The following CEPT1 variants were observed in gnomAD, a reference collection of about 807,000 sequenced individuals.
CEPT1 encodes choline/ethanolaminephosphotransferase 1.
CEPT1 carries 7 observed loss-of-function variants against 42.6 expected under a neutral mutation model. The ratio of observed to expected loss-of-function variants is 0.16; its 90% CI spans 0.09 to 0.31. The LOEUF (loss-of-function observed/expected upper bound fraction) is 0.31, where lower values mean the gene tolerates loss of function less well. CEPT1 is among the 10% of genes least tolerant of loss of function. The pLI, the probability that CEPT1 is intolerant of heterozygous loss-of-function variation, is 1.00. For missense variants in CEPT1, 306 were observed against 502.1 expected, an observed-to-expected ratio of 0.61 and a Z score of 3.73; for synonymous variants, 171 against 171.9, an observed-to-expected ratio of 0.99 and a Z score of 0.04.
chr1:111,152,229 T>TA (rs1655315856), intron 2 of CEPT1, among the ~76,000 whole-genome samples: 1 of 152,218 alleles, frequency 6.6e-6, no homozygotes, highest in African/African-American at 2.4e-5. Flanking sequence ...AATAACTTGT[T>TA]AGATTTTTTT....
At chr1:111,143,991 A>G (rs1654810945) in intron 1 of CEPT1, among the ~76,000 whole-genome samples, 1 of 152,150 alleles carries the variant, frequency 6.6e-6, no homozygotes, top group Non-Finnish European at 1.5e-5. Flanking sequence ...CAGCCTTCCA[A>G]AGTGCTGAGA....
chr1:111,165,249 C>T (rs1656088449), intron 4 of CEPT1, among the ~76,000 whole-genome samples: 2 of 151,194 alleles, frequency 1.3e-5, no homozygotes, highest in Admixed American at 6.6e-5. Flanking sequence ...AGGGTTTCAC[C>T]GTGTTAGCCA....
intron 2 of CEPT1, among the ~76,000 whole-genome samples, chr1:111,155,765 C>T (rs904560241): frequency 2.0e-5 from 3 of 152,024 alleles, no homozygotes; most frequent in South Asian, 4.1e-4. Flanking sequence ...CTCAAACTCC[C>T]GACCTCAGGT....
chr1:111,142,792 C>A (rs1654731410), intron 1 of CEPT1, among the ~76,000 whole-genome samples: 1 of 151,936 alleles, frequency 6.6e-6, no homozygotes, highest in Non-Finnish European at 1.5e-5. Context: ...GGGGGAAAGA[C>A]CAAAAAAACA....
In CEPT1 at chr1:111,184,385, A is replaced by T. The variant is rs544543757; in HGVS notation, c.*75A>T. 2.7e-6 allele frequency: 3 copies of T among 1,109,214 alleles called. No individual in the cohort carries two copies. Among genetic ancestry groups the T allele is most frequent in the South Asian group, 3.0e-5 (2 of 66,702 alleles). 68.7% of individuals were successfully genotyped at this position (1,109,214 alleles called of 1,614,324 possible). A position where few individuals can be genotyped will look rare whatever the true frequency, so the allele number is the denominator to read the frequency against. ...AACATATTAAGGAGAATGGGGGTGG[A>T]TAAGAACAAATATAATTTATAATAA... On this transcript the variant is annotated 3_prime_UTR_variant, in exon 9 of 9. Coordinates refer to ENST00000357172, the MANE Select transcript of CEPT1 (RefSeq NM_006090.5).
chr1:111,161,401 TAATAA>T, intron 4 of CEPT1, 105 bp downstream of exon 4: 1 of 1,113,478 alleles, frequency 9.0e-7, no homozygotes, highest in African/African-American at 1.6e-5. Flanking sequence ...TAAGTTAGTT[TAATAA>T]ATTAAAAAAT....
intron 5 of CEPT1, chr1:111,181,714 C>G (rs1656998163): frequency 6.6e-6 from 1 of 152,268 alleles, no homozygotes; most frequent in Non-Finnish European, 1.5e-5. Flanking sequence ...TCTCTATACT[C>G]TGCAGATTTT....
Position 111,145,430 on chromosome 1 carries a change from A to G in CEPT1, c.-73-2212A>G, listed in dbSNP as rs146251673. ...ACTATAATGACTATTTTCTAAACCAAATATTGAGATACGTGATTGACAGAG... is the reference window on the plus strand; with the variant it reads ...ACTATAATGACTATTTTCTAAACCAGATATTGAGATACGTGATTGACAGAG... On this transcript the variant is annotated intron_variant, in intron 1 of 8. Coordinates refer to ENST00000357172, the MANE Select transcript of CEPT1 (RefSeq NM_006090.5). 4.9e-4 allele frequency among the ~76,000 whole-genome samples: 74 copies of G among 152,312 alleles called. 2 individuals carry two copies. The East Asian group carries it at 0.012, about 24-fold the overall frequency.
chr1:111,167,069 T>G (rs1656179492), intron 4 of CEPT1: 1 of 973,036 alleles, frequency 1.0e-6, no homozygotes, highest in East Asian at 1.1e-4. Context: ...AAGTTCTGAG[T>G]AAAGTTATTT....
At chr1:111,179,917 C>A (rs1656887087) in intron 5 of CEPT1, 1 of 152,154 alleles carries the variant, frequency 6.6e-6, no homozygotes, top group Non-Finnish European at 1.5e-5. Context: ...ATATAGCTAA[C>A]ATATATGACA....
At chr1:111,140,084 C>G (rs1654284707), upstream of CEPT1, 1 of 152,382 alleles carries the variant, frequency 6.6e-6, no homozygotes, top group African/African-American at 2.4e-5. Flanking sequence ...AGCCCCTATG[C>G]TAAAAGGAGA....
chr1:111,140,177 C>T (rs553479945), upstream of CEPT1: 4 of 152,380 alleles, frequency 2.6e-5, no homozygotes, highest in African/African-American at 9.6e-5. Flanking sequence ...GCGCCTGCGG[C>T]GCTGCTCGTT....
Position 111,183,726 on chromosome 1 carries a change from T to C in CEPT1, c.1131+139T>C, listed in dbSNP as rs1284490801. 3.3e-6 allele frequency: 3 copies of C among 902,436 alleles called. No homozygotes were observed. The African/African-American group carries it at 5.0e-5, about 15-fold the overall frequency. 55.9% of individuals were successfully genotyped at this position (902,436 alleles called of 1,614,324 possible). ...TGTCAGAAATCCACATAAATGGGGCTGTGTGAGAGTTCTATGGCTTTATAT... is the reference window on the plus strand; with the variant it reads ...TGTCAGAAATCCACATAAATGGGGCCGTGTGAGAGTTCTATGGCTTTATAT... On this transcript the variant is annotated intron_variant, in intron 8 of 8. Transcript: ENST00000357172.
intron 4 of CEPT1, among the ~76,000 whole-genome samples, chr1:111,172,363 T>G (rs147359679): frequency 3.9e-3 from 599 of 152,312 alleles, no homozygotes; most frequent in Middle Eastern, 6.8e-3. Flanking sequence ...CCACTGACGA[T>G]TCTCCATTTT....
chr1:111,178,563 T>A (rs988261849), intron 5 of CEPT1: 1 of 152,078 alleles, frequency 6.6e-6, no homozygotes, highest in African/African-American at 2.4e-5. Flanking sequence ...TGTTTGTTGC[T>A]TCCCCAAAAG....
At chr1:111,167,434 TTGCCTATTG>T in intron 4 of CEPT1, 1 of 891,700 alleles carries the variant, frequency 1.1e-6, no homozygotes, top group Non-Finnish European at 1.3e-6. Flanking sequence ...ATTCTCCTGT[TTGCCTATTG>T]TGCCTATTAT....
chr1:111,151,672 A>G (rs1007477858), intron 2 of CEPT1, among the ~76,000 whole-genome samples: 19 of 152,216 alleles, frequency 1.2e-4, no homozygotes, highest in Non-Finnish European at 2.1e-4. Flanking sequence ...CTTAGAGACA[A>G]TAGATGACAA....
intron 1 of CEPT1, among the ~76,000 whole-genome samples, chr1:111,143,049 G>A (rs1050431060): frequency 5.9e-5 from 9 of 152,218 alleles, no homozygotes; most frequent in Admixed American, 2.0e-4. Flanking sequence ...CGTATTCTCA[G>A]TTAACAAATA....
rs372774014 is a variant in CEPT1, at chr1:111,147,805, G to A, written c.91G>A (p.Val31Ile). 1.2e-5 allele frequency: 20 copies of A among 1,613,970 alleles called. No homozygotes were observed. Among genetic ancestry groups the A allele is most frequent in the Non-Finnish European group, 1.6e-5 (19 of 1,180,006 alleles). The change falls in exon 2 of 9, where the codon GTA (valine) becomes ATA (isoleucine). Residue 31 changes from valine to isoleucine, a missense_variant. Val to Ile is a conservative substitution (Grantham distance 29). Transcript: ENST00000357172. Reference protein sequence around the residue: ...GFGHMSTTGCVLNKLFQLPTP... With the variant: ...GFGHMSTTGCILNKLFQLPTP... ...CGGGCATATGAGTACTACAGGATGT[G>A]TATTAAATAAATTGTTTCAGTTACC...
Sources: gnomAD v4.1 joint callset for allele counts (sites outside exome capture counted in the v4.1 genomes callset) on GRCh38, gnomAD v4.1.1 for gene constraint, MANE v1.5 for transcripts, NCBI Gene and HGNC (gene_info 2026-07-23, HGNC 2026-07-21) for gene names.